PDE4D: variants seen among roughly 807,000 people sequenced by gnomAD.
PDE4D encodes the protein 3',5'-cyclic-AMP phosphodiesterase 4D.
A neutral mutation model predicts 87.4 loss-of-function variants in PDE4D; 24 were observed. The ratio of observed to expected loss-of-function variants is 0.27; its 90% CI spans 0.20 to 0.39. The LOEUF (loss-of-function observed/expected upper bound fraction) is 0.39. Ranked by LOEUF, PDE4D falls within the 10% of genes least tolerant of loss-of-function variation. The pLI, the probability that PDE4D is intolerant of heterozygous loss-of-function variation, is 1.00. For missense variants in PDE4D, 714 were observed against 1,041.0 expected (o/e 0.69, Z 4.32); for synonymous variants, 384 against 383.2 (o/e 1.00, Z -0.02).
chr5:60,511,426 T>C (rs1271678293), intron 1 of PDE4D, among the ~76,000 whole-genome samples: 1 of 152,014 alleles, frequency 6.6e-6, no homozygotes, highest in African/African-American at 2.4e-5. Context: ...GTTACTTTAA[T>C]TTATTTTATA....
chr5:59,533,181 C>CTGA (rs1561141953), intron 1 of PDE4D, among the ~76,000 whole-genome samples: 1 of 152,278 alleles, frequency 6.6e-6, no homozygotes, highest in East Asian at 1.9e-4. Context: ...AATTATTTTG[C>CTGA]TGATCTTTCA....
chr5:59,583,977 C>T (rs1824654855), intron 1 of PDE4D, among the ~76,000 whole-genome samples: 1 of 152,232 alleles, frequency 6.6e-6, no homozygotes, highest in Non-Finnish European at 1.5e-5. Flanking sequence ...GTTTATTATT[C>T]CTTAGCACTG....
chr5:59,585,700 T>C (rs1305159134), intron 1 of PDE4D, among the ~76,000 whole-genome samples: 1 of 152,226 alleles, frequency 6.6e-6, no homozygotes, highest in Non-Finnish European at 1.5e-5. Context: ...CTGAATGCAT[T>C]GCATTGAACC....
At chr5:60,328,069 A>G (rs560241590) in intron 1 of PDE4D, among the ~76,000 whole-genome samples, 12 of 152,304 alleles carry the variant, frequency 7.9e-5, no homozygotes, top group Non-Finnish European at 1.5e-4. Context: ...ATTTTCACAA[A>G]AGTACAACCC....
intron 1 of PDE4D, among the ~76,000 whole-genome samples, chr5:59,551,023 A>C (rs1818029300): frequency 6.6e-6 from 1 of 152,120 alleles, no homozygotes; most frequent in South Asian, 2.1e-4. Context: ...AAGACATTAA[A>C]GTCAATGTCT....
intron 1 of PDE4D, among the ~76,000 whole-genome samples, chr5:59,309,063 G>A (rs1772025512): frequency 6.6e-6 from 1 of 152,048 alleles, no homozygotes; most frequent in Non-Finnish European, 1.5e-5. Flanking sequence ...CTGCTTCCAC[G>A]CAAACCCAAA....
upstream of PDE4D, chr5:60,491,378 A>G (rs1228541929): frequency 6.6e-6 from 1 of 151,862 alleles, no homozygotes; most frequent in Non-Finnish European, 1.5e-5. Context: ...ACATGGGGGA[A>G]ATTTTTTGTT....
chr5:60,467,802 T>C (rs373591119), intron 1 of PDE4D, among the ~76,000 whole-genome samples: 60 of 152,266 alleles, frequency 3.9e-4, no homozygotes, highest in African/African-American at 1.4e-3. Flanking sequence ...CGTCTTGGCA[T>C]GGCAGAGCAG....
chr5:59,101,563 T>C (rs1224921995), intron 5 of PDE4D, among the ~76,000 whole-genome samples: 1 of 152,226 alleles, frequency 6.6e-6, no homozygotes, highest in Non-Finnish European at 1.5e-5. Context: ...ATAGAATTTC[T>C]GCCTCTCCAG....
In PDE4D at chr5:59,965,666, T is replaced by C. The variant is rs1204312411; in HGVS notation, c.272+22822A>G. Among the ~76,000 whole-genome samples the C allele has an allele frequency of 3.3e-5, 5 of 152,132 alleles. No homozygotes were observed. In the South Asian group the frequency reaches 6.2e-4, roughly 19 times the overall value. On this transcript the variant is annotated intron_variant, in intron 3 of 16. Coordinates refer to the PDE4D transcript ENST00000502484. ...CCCCCTCCCTGCCACAAGAAGCAGA[T>C]AGTTATGGTATTTTAATACTTTACA...
rs556877242 is a variant in PDE4D, at chr5:58,973,369, C to T, written c.*1295G>A. The T allele has an allele frequency of 1.2e-4, 18 of 152,216 alleles. No individual in the cohort carries two copies. The East Asian group carries it at 1.4e-3, about 11-fold the overall frequency. 9.4% of individuals were successfully genotyped at this position (152,216 alleles called of 1,614,324 possible). A position where few individuals can be genotyped will look rare whatever the true frequency, so the allele number is the denominator to read the frequency against. ...CAAACATGGATAAGGTTCAGACACA[C>T]GCTAAATTATAAAGCAGCACAAGGG... is the stretch of plus-strand genomic sequence containing the variant. On this transcript the variant is annotated 3_prime_UTR_variant, in exon 15 of 15. Transcript: ENST00000340635.
chr5:60,180,616 A>G lies in PDE4D; in HGVS notation c.42+4941T>C, dbSNP rs552737819. ...CTCTATGAGGGTAGAGAGAACATGT[A>G]TCTTACATTGGATACTCAGAGCCTA... On this transcript the variant is annotated intron_variant, in intron 2 of 16. Transcript: ENST00000502484. 4.8e-4 allele frequency among the ~76,000 whole-genome samples: 73 copies of G among 152,306 alleles called. No homozygotes were observed. The South Asian group carries it at 0.014, about 29-fold the overall frequency.
At chr5:60,208,231 T>C (rs1255614356) in intron 1 of PDE4D, among the ~76,000 whole-genome samples, 1 of 152,216 alleles carries the variant, frequency 6.6e-6, no homozygotes, top group Non-Finnish European at 1.5e-5. Context: ...TAGAGTGTAT[T>C]AGCAGTAGGG....
intron 5 of PDE4D, among the ~76,000 whole-genome samples, chr5:59,064,811 C>T (rs1236536363): frequency 2.0e-5 from 3 of 152,032 alleles, no homozygotes; most frequent in Non-Finnish European, 4.4e-5. Flanking sequence ...TTTTTCCCCA[C>T]CATTCCAACA....
intron 1 of PDE4D, among the ~76,000 whole-genome samples, chr5:60,320,602 TC>T (rs1756160830): frequency 6.6e-6 from 1 of 152,140 alleles, no homozygotes; most frequent in Admixed American, 6.5e-5. Context: ...CTGGAGCTGT[TC>T]CTATTCAGCC....
intron 1 of PDE4D, among the ~76,000 whole-genome samples, chr5:59,320,386 T>C (rs1481427373): frequency 1.3e-5 from 2 of 152,122 alleles, no homozygotes; most frequent in East Asian, 3.9e-4. Flanking sequence ...AGATATATAA[T>C]AACTATGTTT....
chr5:59,629,352 C>T (rs913230668), intron 1 of PDE4D, among the ~76,000 whole-genome samples: 3 of 152,016 alleles, frequency 2.0e-5, no homozygotes, highest in Non-Finnish European at 4.4e-5. Context: ...GAGTAAGATG[C>T]ACCCTACTTC....
At chr5:59,018,218 T>A (rs989659713) in intron 6 of PDE4D, among the ~76,000 whole-genome samples, 1 of 152,250 alleles carries the variant, frequency 6.6e-6, no homozygotes, top group Admixed American at 6.5e-5. Flanking sequence ...GTTTGTAAAC[T>A]ATCAGAATCA....
At chr5:59,419,774 CAT>C (rs1221286020) in intron 1 of PDE4D, among the ~76,000 whole-genome samples, 1 of 152,156 alleles carries the variant, frequency 6.6e-6, no homozygotes, top group East Asian at 1.9e-4. Flanking sequence ...TGTCTGTAAA[CAT>C]AGATACATCT....
Sources: allele counts gnomAD v4.1 joint callset (sites outside exome capture counted in the v4.1 genomes callset), GRCh38; gene constraint gnomAD v4.1.1; transcripts MANE v1.5; gene names NCBI Gene and HGNC (gene_info 2026-07-23, HGNC 2026-07-21).